ABI3BP: variants seen among roughly 807,000 people sequenced by gnomAD.
The protein encoded by ABI3BP is ABI family member 3 binding protein.
Under a neutral mutation model 268.6 loss-of-function variants are expected in ABI3BP, and 216 were observed. The ratio of observed to expected loss-of-function variants is 0.80; its 90% CI spans 0.72 to 0.90. The LOEUF (loss-of-function observed/expected upper bound fraction) is 0.90. Ranked by LOEUF, ABI3BP falls within the 40% of genes least tolerant of loss-of-function variation. The pLI is 0.00. For synonymous variants in ABI3BP, 730 were observed against 730.0 expected (o/e 1.00, Z 0.00); for missense variants, 2,090 against 2,182.4 (o/e 0.96, Z 0.84).
chr3:100,882,460 AT>A (rs537647839), intron 6 of ABI3BP, among the ~76,000 whole-genome samples: 4 of 148,642 alleles, frequency 2.7e-5, no homozygotes, highest in Non-Finnish European at 4.5e-5. Flanking sequence ...ATATATATAT[AT>A]TTTTTTTGCT....
At chr3:100,830,703 A>G (rs2098475943) in intron 31 of ABI3BP, 69 bp from the exon 32 acceptor site, 1 of 1,316,716 alleles carries the variant, frequency 7.6e-7, no homozygotes, top group East Asian at 2.5e-5. Context: ...CATTCATCTT[A>G]CCACCAAAAA....
At chr3:100,960,557 TC>T (rs1328841480) in intron 1 of ABI3BP, among the ~76,000 whole-genome samples, 1 of 152,164 alleles carries the variant, frequency 6.6e-6, no homozygotes, top group Non-Finnish European at 1.5e-5. Flanking sequence ...ACAGGAAGAT[TC>T]TTATAGATTA....
At chr3:100,843,669 G>A (rs1363468659) in intron 20 of ABI3BP, 83 of 984,286 alleles carry the variant, frequency 8.4e-5, no homozygotes, top group Non-Finnish European at 1.0e-4. Flanking sequence ...TATGTGTAAG[G>A]GAGTGCATGT....
At chr3:100,900,358 T>A (rs149431341) in intron 3 of ABI3BP, among the ~76,000 whole-genome samples, 82 of 152,362 alleles carry the variant, frequency 5.4e-4, no homozygotes, top group African/African-American at 1.9e-3. Context: ...ACTAACGTGA[T>A]GCAACGATCT....
intron 14 of ABI3BP, among the ~76,000 whole-genome samples, chr3:100,858,074 AGACT>A (rs1346970257): frequency 1.3e-5 from 2 of 152,260 alleles, no homozygotes; most frequent in African/African-American, 2.4e-5. Flanking sequence ...ATCATCAGAA[AGACT>A]GACTTTTTGT....
At chr3:100,906,566 A>C (rs2053535374) in intron 2 of ABI3BP, among the ~76,000 whole-genome samples, 1 of 152,226 alleles carries the variant, frequency 6.6e-6, no homozygotes, top group African/African-American at 2.4e-5. Flanking sequence ...ATGTTACTTC[A>C]TTTAGAAAGA....
At chr3:100,938,506 G>A (rs1255765012) in intron 1 of ABI3BP, among the ~76,000 whole-genome samples, 2 of 152,072 alleles carry the variant, frequency 1.3e-5, no homozygotes, top group South Asian at 2.1e-4. Context: ...GAATCACTGT[G>A]AAGACAGTGG....
intron 50 of ABI3BP, among the ~76,000 whole-genome samples, chr3:100,807,045 A>G (rs1421714211): frequency 6.6e-6 from 1 of 151,796 alleles, no homozygotes; most frequent in African/African-American, 2.4e-5. Flanking sequence ...AATTTTTAGT[A>G]TTTTTCATCT....
chr3:100,821,057 G>C lies in ABI3BP; in HGVS notation c.2944C>G (p.Gln982Glu). 1 of 1,535,650 alleles carries C rather than the reference G, an allele frequency of 6.5e-7. No individual in the cohort carries two copies. Among genetic ancestry groups the C allele is most frequent in the South Asian group, 1.2e-5 (1 of 84,040 alleles). The change falls in exon 39 of 68, where the codon CAA becomes GAA. Residue 982 changes from glutamine (Q) to glutamate (E), a missense_variant. By Grantham distance (29) the Gln-to-Glu change is conservative (BLOSUM62 2). Coordinates refer to ENST00000471714, the MANE Select transcript of ABI3BP (RefSeq NM_001375547.2). ...TLRTETWVTT[Q>E]APKTSQRTRR... ...GAGGATTGCAACGTGCTATTACCTTGTGTTGTCACCCAAGTCTCAGTTCTG... is the reference window on the plus strand; with the variant it reads ...GAGGATTGCAACGTGCTATTACCTTCTGTTGTCACCCAAGTCTCAGTTCTG...
rs1390338631 is a variant in ABI3BP, at chr3:100,791,300, G to A, written c.4024+1391C>T. On this transcript the variant is annotated intron_variant, in intron 55 of 67. Transcript: ENST00000471714. Reference sequence around the variant, plus strand: ...TCTTTAAAGTAGGAAAAGGCAAAACGAGGAAAGAACAGGCCTGTGATCTTT... The same window carrying A: ...TCTTTAAAGTAGGAAAAGGCAAAACAAGGAAAGAACAGGCCTGTGATCTTT... Among the ~76,000 whole-genome samples the A allele has an allele frequency of 2.6e-5, 4 of 151,738 alleles. No homozygotes were observed. The East Asian group carries it at 7.7e-4, about 29-fold the overall frequency.
intron 2 of ABI3BP, among the ~76,000 whole-genome samples, chr3:100,924,471 C>T (rs1452490484): frequency 2.0e-5 from 3 of 152,180 alleles, no homozygotes; most frequent in African/African-American, 4.8e-5. Context: ...AAATGTGATA[C>T]CTGGTTATGC....
chr3:100,793,065 T>A (rs963459717), intron 54 of ABI3BP, among the ~76,000 whole-genome samples: 5 of 151,914 alleles, frequency 3.3e-5, no homozygotes, highest in African/African-American at 9.7e-5. Context: ...GGCTCATGTA[T>A]GAAAGTCTCC....
At chr3:100,969,552 T>C (rs2153862748) in intron 1 of ABI3BP, among the ~76,000 whole-genome samples, 1 of 152,250 alleles carries the variant, frequency 6.6e-6, no homozygotes, top group Non-Finnish European at 1.5e-5. Context: ...TAATAAATGC[T>C]ATATACAGAA....
intron 1 of ABI3BP, among the ~76,000 whole-genome samples, chr3:100,951,566 G>A (rs1400080244): frequency 6.6e-6 from 1 of 151,854 alleles, no homozygotes; most frequent in Non-Finnish European, 1.5e-5. Context: ...TTGTTGATGC[G>A]GTCAGGCTCC....
chr3:100,931,462 C>T (rs529827823), intron 1 of ABI3BP, among the ~76,000 whole-genome samples: 31 of 152,188 alleles, frequency 2.0e-4, no homozygotes, highest in Middle Eastern at 6.8e-3. Context: ...ATCCTGTAGT[C>T]TCTGCCAAAA....
intron 1 of ABI3BP, among the ~76,000 whole-genome samples, chr3:100,963,663 T>C (rs1275209840): frequency 2.0e-5 from 3 of 152,242 alleles, no homozygotes; most frequent in African/African-American, 7.2e-5. Flanking sequence ...CCTGTTTCTC[T>C]TTCTCTCCAG....
chr3:100,815,715 G>A (rs1186983760), intron 44 of ABI3BP, among the ~76,000 whole-genome samples, 197 bp downstream of exon 44: 1 of 152,080 alleles, frequency 6.6e-6, no homozygotes, highest in African/African-American at 2.4e-5. Flanking sequence ...CTGGACAGCT[G>A]TCCTTCACTG....
At chr3:100,924,135 T>G (rs563731286) in intron 2 of ABI3BP, among the ~76,000 whole-genome samples, 8 of 152,264 alleles carry the variant, frequency 5.3e-5, no homozygotes, top group African/African-American at 1.9e-4. Context: ...AGTTCCATAT[T>G]CTATAATATA....
intron 56 of ABI3BP, among the ~76,000 whole-genome samples, 173 bp downstream of exon 56, chr3:100,789,281 C>G (rs2097133626): frequency 6.6e-6 from 1 of 152,066 alleles, no homozygotes. Flanking sequence ...TTAGTCAAGT[C>G]TTGTCACATT....
Sources: allele counts gnomAD v4.1 joint callset (sites outside exome capture counted in the v4.1 genomes callset), GRCh38; gene constraint gnomAD v4.1.1; transcripts MANE v1.5; gene names NCBI Gene and HGNC (gene_info 2026-07-23, HGNC 2026-07-21).